Variants in TPTE2 observed in about 807,000 individuals in gnomAD.
TPTE2 encodes the protein phosphatidylinositol 3,4,5-trisphosphate 3-phosphatase TPTE2.
In TPTE2, 53 loss-of-function variants were observed where a neutral mutation model predicts 78.6. The ratio of observed to expected loss-of-function variants is 0.67; its 90% CI spans 0.54 to 0.85. The LOEUF is 0.85. Ranked by LOEUF, TPTE2 falls within the 40% of genes least tolerant of loss-of-function variation. TPTE2 has a pLI of 0.00. For missense variants in TPTE2, 461 were observed against 623.0 expected (o/e 0.74, Z 2.77); for synonymous variants, 175 against 206.2 (o/e 0.85, Z 1.30).
chr13:19,483,725 GGTTT>G (rs1880492861), intron 3 of TPTE2, among the ~76,000 whole-genome samples: 1 of 151,906 alleles, frequency 6.6e-6, no homozygotes, highest in Admixed American at 6.6e-5. Context: ...ATTGTTCAGT[GGTTT>G]ATTTGAAAGT....
chr13:19,458,165 G>C (rs557122832), intron 10 of TPTE2, among the ~76,000 whole-genome samples: 31 of 152,210 alleles, frequency 2.0e-4, no homozygotes, highest in African/African-American at 7.5e-4. Context: ...ATCTTTAGAA[G>C]GAGTAAACAG....
chr13:19,424,094 C>T (rs566495105), intron 19 of TPTE2, among the ~76,000 whole-genome samples: 99 of 152,318 alleles, frequency 6.5e-4, no homozygotes, highest in Admixed American at 1.2e-3. Context: ...AGGAGTTATT[C>T]GATCCAGTTC....
intron 1 of TPTE2, among the ~76,000 whole-genome samples, chr13:19,530,359 G>A (rs542352994): frequency 3.9e-5 from 6 of 152,278 alleles, no homozygotes; most frequent in African/African-American, 1.4e-4. Flanking sequence ...TACCCATGGG[G>A]TGCCGAAAAC....
At chr13:19,446,618 T>C (rs910136228) in intron 13 of TPTE2, among the ~76,000 whole-genome samples, 28 of 152,276 alleles carry the variant, frequency 1.8e-4, no homozygotes, top group Non-Finnish European at 3.4e-4. Flanking sequence ...TACACACACA[T>C]AGAAAAACAA....
intron 6 of TPTE2, among the ~76,000 whole-genome samples, chr13:19,468,080 G>T (rs1367291074): frequency 1.8e-5 from 2 of 108,266 alleles, no homozygotes; most frequent in African/African-American, 7.0e-5. Flanking sequence ...TCACTCAGCT[G>T]CCCAGGCTGG....
At chr13:19,529,076 C>G (rs1433407990) in intron 1 of TPTE2, among the ~76,000 whole-genome samples, 1 of 152,146 alleles carries the variant, frequency 6.6e-6, no homozygotes, top group Non-Finnish European at 1.5e-5. Context: ...CAAGATCGTG[C>G]CACTGTACTC....
At chr13:19,532,020 T>C (rs1870910850) in intron 1 of TPTE2, among the ~76,000 whole-genome samples, 1 of 151,980 alleles carries the variant, frequency 6.6e-6, no homozygotes, top group South Asian at 2.1e-4. Context: ...CAATAAAGAG[T>C]ATGGCATATG....
At chr13:19,443,414 T>TC (rs1367897746) in intron 13 of TPTE2, among the ~76,000 whole-genome samples, 483 of 136,840 alleles carry the variant, frequency 3.5e-3, no homozygotes, top group South Asian at 6.8e-3. Context: ...TTTTTTTTGT[T>TC]TCATTTTTTC....
At chr13:19,484,477 T>C (rs924104933) in intron 3 of TPTE2, among the ~76,000 whole-genome samples, 3 of 152,220 alleles carry the variant, frequency 2.0e-5, no homozygotes, top group African/African-American at 7.2e-5. Context: ...GTTATTTATG[T>C]CCATTTGGTC....
intron 4 of TPTE2, among the ~76,000 whole-genome samples, chr13:19,479,534 A>G (rs1566058181): frequency 6.6e-6 from 1 of 152,216 alleles, no homozygotes; most frequent in Non-Finnish European, 1.5e-5. Flanking sequence ...AAGATGATAA[A>G]TAAAACCAAA....
chr13:19,505,642 TG>T (rs1868963567), upstream of TPTE2: 1 of 152,020 alleles, frequency 6.6e-6, no homozygotes, highest in African/African-American at 2.4e-5. Context: ...GGGTTTCGTT[TG>T]GGGCACCAGC....
At chr13:19,478,820 C>A (rs918178770) in intron 4 of TPTE2, among the ~76,000 whole-genome samples, 4 of 152,206 alleles carry the variant, frequency 2.6e-5, no homozygotes, top group Admixed American at 6.5e-5. Context: ...CCATGGAATA[C>A]TATGCAGCCA....
intron 3 of TPTE2, among the ~76,000 whole-genome samples, chr13:19,491,836 A>C (rs139666637): frequency 5.5e-4 from 83 of 152,210 alleles, no homozygotes; most frequent in African/African-American, 2.0e-3. Flanking sequence ...AAATAATAAT[A>C]ATAATAGAAA....
At position 19,437,489 on chromosome 13, in the gene TPTE2, A is replaced by G. The variant is rs1416950894; in HGVS notation, c.1035+603T>C. The stretch of plus-strand genomic sequence containing the variant: ...CTAAGCAAAGATATTTACATTCAGG[A>G]GAGGCTTTGTTTTCAGTTGTGAAAT... On this transcript the variant is annotated intron_variant, in intron 14 of 19. Transcript: ENST00000400230. Among the ~76,000 whole-genome samples the G allele has an allele frequency of 3.3e-5, 5 of 152,340 alleles. 1 individual carries two copies. The highest frequency in any genetic ancestry group is 4.1e-4 in the South Asian group (2 of 4,824).
chr13:19,534,810 A>G (rs1478875580), intron 1 of TPTE2, among the ~76,000 whole-genome samples: 2 of 152,204 alleles, frequency 1.3e-5, no homozygotes, highest in African/African-American at 4.8e-5. Flanking sequence ...CACCTTTAGG[A>G]TTAAGAGTTT....
chr13:19,489,566 A>G (rs181352325), intron 3 of TPTE2, among the ~76,000 whole-genome samples: 73 of 150,510 alleles, frequency 4.9e-4, no homozygotes, highest in Non-Finnish European at 5.2e-4. Context: ...GCTAAAGAAT[A>G]TATCTATACA....
intron 16 of TPTE2, among the ~76,000 whole-genome samples, chr13:19,430,836 G>A (rs1433152433): frequency 6.6e-6 from 1 of 152,054 alleles, no homozygotes; most frequent in East Asian, 1.9e-4. Context: ...AAAATATTTA[G>A]GGAAGCTAGG....
At chr13:19,504,219 T>C (rs1868835294), upstream of TPTE2, among the ~76,000 whole-genome samples, 1 of 152,172 alleles carries the variant, frequency 6.6e-6, no homozygotes, top group East Asian at 1.9e-4. Context: ...TTTAGTTCTT[T>C]ACAATTGAAG....
the TPTE2 span, chr13:19,561,063 C>A: frequency 1.9e-6 from 3 of 1,581,862 alleles, no homozygotes; most frequent in East Asian, 2.2e-5. Context: ...AGCTTCCCAC[C>A]GCCCTGCTCG....
Sources: allele counts gnomAD v4.1 joint callset (sites outside exome capture counted in the v4.1 genomes callset), GRCh38; gene constraint gnomAD v4.1.1; transcripts MANE v1.5; gene names NCBI Gene and HGNC (gene_info 2026-07-23, HGNC 2026-07-21).